Variants in ACSS3 observed in about 807,000 individuals in gnomAD.
ACSS3 encodes the protein acyl-CoA synthetase short chain family member 3, also known as acyl-CoA synthetase short-chain family member 3, mitochondrial.
In ACSS3, 64 loss-of-function variants were observed where a neutral mutation model predicts 84.2. The observed-to-expected ratio is 0.76, with a 90% CI of 0.62 to 0.94. ACSS3 has a LOEUF of 0.94. Ranked by LOEUF, ACSS3 falls within the 40% of genes least tolerant of loss-of-function variation. The pLI, the probability that ACSS3 is intolerant of heterozygous loss-of-function variation, is 0.00. For synonymous variants in ACSS3, 317 were observed against 310.1 expected (o/e 1.02, Z -0.23); for missense variants, 815 against 867.6 (o/e 0.94, Z 0.76).
At chr12:81,226,345 T>C (rs1048721963) in intron 11 of ACSS3, among the ~76,000 whole-genome samples, 1 of 151,778 alleles carries the variant, frequency 6.6e-6, no homozygotes, top group Non-Finnish European at 1.5e-5. Context: ...TTTTCTTTGA[T>C]ATTTCTGCAA....
chr12:81,093,587 G>C (rs1881817248), intron 1 of ACSS3, among the ~76,000 whole-genome samples: 1 of 150,872 alleles, frequency 6.6e-6, no homozygotes, highest in Admixed American at 6.6e-5. Context: ...TGCTATATTA[G>C]GTATAGTTCC....
intron 9 of ACSS3, among the ~76,000 whole-genome samples, chr12:81,213,791 CTT>C (rs368452749): frequency 1.4e-5 from 1 of 71,198 alleles, no homozygotes; most frequent in African/African-American, 5.6e-5. Flanking sequence ...CTTCTCTTCT[CTT>C]TTCTCTTCTC....
chr12:81,178,823 A>T (rs144968561), intron 8 of ACSS3, among the ~76,000 whole-genome samples: 193 of 152,318 alleles, frequency 1.3e-3, no homozygotes, highest in Non-Finnish European at 2.4e-3. Flanking sequence ...AACCAAAAAG[A>T]GCTCAAATAG....
intron 10 of ACSS3, among the ~76,000 whole-genome samples, chr12:81,219,793 G>A (rs945596876): frequency 6.6e-6 from 1 of 151,956 alleles, no homozygotes; most frequent in Non-Finnish European, 1.5e-5. Context: ...TCATTTAAGG[G>A]ATATTCTGAA....
rs965568889 is a variant in ACSS3 at position 81,210,279 on chromosome 12, A to G, written c.1355-6622A>G. 3.3e-5 allele frequency among the ~76,000 whole-genome samples: 5 copies of G among 152,268 alleles called. 1 individual carries two copies. Among genetic ancestry groups the G allele is most frequent in the Admixed American group, 2.6e-4 (4 of 15,290 alleles). ...CTTCTTCAGGCTGAATGGGGTGATG[A>G]TATTCCTGCCTATTAGGGTCTCTCG... On this transcript the variant is annotated intron_variant, in intron 9 of 15. Transcript: ENST00000548058.
chr12:81,098,787 C>T (rs1246638453), intron 1 of ACSS3, among the ~76,000 whole-genome samples: 1 of 152,194 alleles, frequency 6.6e-6, no homozygotes, highest in Non-Finnish European at 1.5e-5. Flanking sequence ...GTACTACATT[C>T]CTTTTCACAT....
At chr12:81,167,196 T>A (rs961484627) in intron 7 of ACSS3, among the ~76,000 whole-genome samples, 2 of 152,192 alleles carry the variant, frequency 1.3e-5, no homozygotes, top group African/African-American at 4.8e-5. Flanking sequence ...AAGGTAAACT[T>A]TTTTTAAAGG....
intron 8 of ACSS3, among the ~76,000 whole-genome samples, chr12:81,187,886 G>T (rs191037096): frequency 5.3e-5 from 8 of 151,892 alleles, no homozygotes; most frequent in African/African-American, 1.7e-4. Context: ...TCAAGGTTAC[G>T]CAGGTAAGCC....
chr12:81,151,930 C>G lies in ACSS3; in HGVS notation c.1002+6C>G. On this transcript the variant is annotated splice_donor_region_variant and intron_variant, in intron 6 of 15. Coordinates refer to ENST00000548058, the MANE Select transcript of ACSS3 (RefSeq NM_024560.4). ...ACGGACTTCAACCCGGAGAGGTAATCGTGGTTTTAAATTTACATTACATGA... is the reference window on the plus strand; with the variant it reads ...ACGGACTTCAACCCGGAGAGGTAATGGTGGTTTTAAATTTACATTACATGA... 1 of 1,613,564 alleles carries G rather than the reference C, an allele frequency of 6.2e-7. No individual in the cohort carries two copies. The highest frequency in any genetic ancestry group is 8.5e-7 in the Non-Finnish European group (1 of 1,179,792).
chr12:81,167,631 C>G (rs914741965), intron 7 of ACSS3, among the ~76,000 whole-genome samples: 1 of 152,158 alleles, frequency 6.6e-6, no homozygotes, highest in African/African-American at 2.4e-5. Flanking sequence ...CTCACTCCCA[C>G]AAACCCTTTG....
chr12:81,150,329 A>G (rs1456190264), intron 5 of ACSS3, among the ~76,000 whole-genome samples: 1 of 152,212 alleles, frequency 6.6e-6, no homozygotes, highest in Admixed American at 6.5e-5. Context: ...TTGTCTACAA[A>G]AGCTACTTTT....
intron 2 of ACSS3, among the ~76,000 whole-genome samples, chr12:81,110,676 G>A (rs1431190892): frequency 6.6e-6 from 1 of 152,148 alleles, no homozygotes; most frequent in Admixed American, 6.5e-5. Flanking sequence ...CAGTATCCCT[G>A]CCTCCACCTT....
chr12:81,219,870 T>C (rs963503094), intron 10 of ACSS3, 143 bp from the exon 11 acceptor site: 4 of 436,096 alleles, frequency 9.2e-6, no homozygotes, highest in Non-Finnish European at 1.6e-5. Context: ...GATATTTTAG[T>C]TTATATTTGT....
chr12:81,096,061 G>A (rs529886593), intron 1 of ACSS3, among the ~76,000 whole-genome samples: 1 of 152,320 alleles, frequency 6.6e-6, no homozygotes, highest in South Asian at 2.1e-4. Context: ...CAAAGGCCAA[G>A]TATCTGTAAT....
chr12:81,133,829 A>G (rs2121552601), intron 2 of ACSS3, among the ~76,000 whole-genome samples: 1 of 152,234 alleles, frequency 6.6e-6, no homozygotes, highest in African/African-American at 2.4e-5. Context: ...TATCTGATGT[A>G]TCTGAAAACA....
chr12:81,078,086 G>A lies in ACSS3; in HGVS notation c.-35G>A. On this transcript the variant is annotated 5_prime_UTR_variant, in exon 1 of 16. Coordinates refer to ENST00000548058, the MANE Select transcript of ACSS3 (RefSeq NM_024560.4). ...CCAGGAAGTTGCAAGAGTACCATTTGTCGCACACTCGGGGACCGCGGGTGG... is the reference window on the plus strand; with the variant it reads ...CCAGGAAGTTGCAAGAGTACCATTTATCGCACACTCGGGGACCGCGGGTGG... 6.9e-7 allele frequency: 1 copy of A among 1,449,768 alleles called. No individual in the cohort carries two copies. The highest frequency in any genetic ancestry group is 2.5e-5 in the East Asian group (1 of 39,922). 89.8% of individuals were successfully genotyped at this position (1,449,768 alleles called of 1,614,324 possible).
At chr12:81,206,119 T>C (rs1203139501) in intron 9 of ACSS3, among the ~76,000 whole-genome samples, 1 of 152,170 alleles carries the variant, frequency 6.6e-6, no homozygotes, top group Non-Finnish European at 1.5e-5. Flanking sequence ...AATATTTCCA[T>C]GTGCTATCAA....
intron 13 of ACSS3, among the ~76,000 whole-genome samples, chr12:81,251,598 G>A (rs542289203): frequency 1.0e-4 from 15 of 147,166 alleles, no homozygotes; most frequent in South Asian, 4.3e-4. Context: ...TTGGGAGGCC[G>A]AAGCAGGTAG....
chr12:81,107,897 G>A (rs1883211607), intron 1 of ACSS3, among the ~76,000 whole-genome samples: 1 of 151,834 alleles, frequency 6.6e-6, no homozygotes, highest in Admixed American at 6.6e-5. Flanking sequence ...TATCTGGGAG[G>A]CTGTTCTCCT....
Sources: gnomAD v4.1 joint callset for allele counts (sites outside exome capture counted in the v4.1 genomes callset) on GRCh38, gnomAD v4.1.1 for gene constraint, MANE v1.5 for transcripts, NCBI Gene and HGNC (gene_info 2026-07-23, HGNC 2026-07-21) for gene names.